The following TANC2 variants were observed in gnomAD, a reference collection of about 807,000 sequenced individuals.
The protein encoded by TANC2 is tetratricopeptide repeat, ankyrin repeat and coiled-coil containing 2.
TANC2 carries 26 observed loss-of-function variants against 210.5 expected under a neutral mutation model. That is an observed-to-expected ratio of 0.12 (90% CI 0.09 to 0.17). The LOEUF is 0.17. Among genes scored for constraint, TANC2 ranks in the 10% least tolerant of loss-of-function variants. The probability of loss-of-function intolerance (pLI) is 1.00; values close to 1 mark genes in which losing one functional copy is unlikely to be tolerated. For synonymous variants in TANC2, 931 were observed against 967.1 expected, an observed-to-expected ratio of 0.96 and a Z score of 0.69; for missense variants, 2,129 against 2,608.9, an observed-to-expected ratio of 0.82 and a Z score of 4.01.
intron 7 of TANC2, among the ~76,000 whole-genome samples, chr17:63,216,122 C>T (rs2042020233): frequency 1.3e-5 from 2 of 152,110 alleles, no homozygotes. Flanking sequence ...GATCTCGGCT[C>T]ACTGCAGCCT....
chr17:63,035,769 C>T (rs1180533258), intron 2 of TANC2, among the ~76,000 whole-genome samples: 3 of 152,170 alleles, frequency 2.0e-5, no homozygotes, highest in Admixed American at 6.5e-5. Flanking sequence ...TTTAACTACA[C>T]AAGGAACTGC....
In TANC2 at chr17:63,415,694, A is replaced by C. The variant is rs2048838143; in HGVS notation, c.4167+20A>C. The C allele has an allele frequency of 5.6e-6, 9 of 1,595,218 alleles. No individual in the cohort carries two copies. The highest frequency in any genetic ancestry group is 4.1e-5 in the African/African-American group (3 of 72,922). On this transcript the variant is annotated intron_variant, in intron 26 of 27. Transcript: ENST00000689528. The stretch of plus-strand genomic sequence containing the variant: ...ATGAACGTAAGTCCCTGTCACCCCA[A>C]CTCCTTTCTGCAATCCTGGTAGCTG...
At position 63,025,349 on chromosome 17, in the gene TANC2, C is replaced by T. The variant is rs150028579; in HGVS notation, c.67+15723C>T. 3.9e-3 allele frequency among the ~76,000 whole-genome samples: 586 copies of T among 152,106 alleles called. 2 individuals are homozygous for T. The highest frequency in any genetic ancestry group is 6.9e-3 in the Non-Finnish European group (466 of 68,010). On this transcript the variant is annotated intron_variant, in intron 2 of 27. Coordinates refer to ENST00000689528, the Ensembl canonical transcript of TANC2. Reference sequence around the variant, plus strand: ...GTGAATGAAGTTTCATAATGTCTTCCGGTTGTGGACGCCTTCTTCATTTTT... The same window carrying T: ...GTGAATGAAGTTTCATAATGTCTTCTGGTTGTGGACGCCTTCTTCATTTTT...
chr17:63,284,468 G>A (rs551664575), intron 9 of TANC2, among the ~76,000 whole-genome samples: 132 of 151,836 alleles, frequency 8.7e-4, no homozygotes, highest in Middle Eastern at 3.4e-3. Context: ...TTTTTTTAAA[G>A]CATTTCATTT....
chr17:63,124,049 T>C (rs2038608101), intron 4 of TANC2, among the ~76,000 whole-genome samples: 1 of 152,270 alleles, frequency 6.6e-6, no homozygotes, highest in Middle Eastern at 3.4e-3. Flanking sequence ...AGGTAGAAAG[T>C]AAATATTTCA....
At chr17:63,374,032 G>GTTTTTTTTT (rs35801082) in intron 14 of TANC2, among the ~76,000 whole-genome samples, 15 of 93,530 alleles carry the variant, frequency 1.6e-4, no homozygotes, top group African/African-American at 2.8e-4. Flanking sequence ...GTTGTTGTTG[G>GTTTTTTTTT]TTTTTTTTTT....
At chr17:63,007,851 T>A (rs534418201) in intron 1 of TANC2, among the ~76,000 whole-genome samples, 1 of 152,226 alleles carries the variant, frequency 6.6e-6, no homozygotes, top group South Asian at 2.1e-4. Flanking sequence ...CCTTTTTGCA[T>A]GTATATGCTT....
chr17:63,062,033 T>C (rs1397013015), intron 2 of TANC2, among the ~76,000 whole-genome samples: 1 of 152,208 alleles, frequency 6.6e-6, no homozygotes, highest in Non-Finnish European at 1.5e-5. Flanking sequence ...TTAGAACTTT[T>C]TGAAATTGCA....
intron 5 of TANC2, among the ~76,000 whole-genome samples, chr17:63,168,927 A>G (rs1199382041): frequency 2.0e-5 from 3 of 152,218 alleles, no homozygotes; most frequent in African/African-American, 7.2e-5. Context: ...TAGCTTAGAC[A>G]TGTATGCTAC....
intron 19 of TANC2, among the ~76,000 whole-genome samples, chr17:63,401,151 A>G (rs1300449771): frequency 6.6e-6 from 1 of 152,150 alleles, no homozygotes; most frequent in Non-Finnish European, 1.5e-5. Flanking sequence ...TAAATTTTAT[A>G]ATGACCTATT....
chr17:63,136,853 A>G (rs2145269446), intron 4 of TANC2, among the ~76,000 whole-genome samples: 1 of 152,120 alleles, frequency 6.6e-6, no homozygotes, highest in East Asian at 1.9e-4. Flanking sequence ...GGAGAACTCT[A>G]GCAGAGAATG....
At chr17:63,226,273 A>T (rs1011273114) in intron 7 of TANC2, among the ~76,000 whole-genome samples, 2 of 152,212 alleles carry the variant, frequency 1.3e-5, no homozygotes, top group African/African-American at 4.8e-5. Flanking sequence ...CACTAGAACC[A>T]AAGTAATCTT....
intron 2 of TANC2, among the ~76,000 whole-genome samples, chr17:63,018,502 A>G (rs2034209351): frequency 5.9e-5 from 9 of 151,784 alleles, no homozygotes; most frequent in Admixed American, 5.9e-4. Context: ...ATAAATAAAT[A>G]AATAAAATAA....
At chr17:63,024,547 A>G (rs768022885) in intron 2 of TANC2, among the ~76,000 whole-genome samples, 2 of 152,180 alleles carry the variant, frequency 1.3e-5, no homozygotes, top group Non-Finnish European at 2.9e-5. Context: ...CTGATCTCCT[A>G]TCTCATTCTG....
At chr17:63,001,538 T>TG (rs1275049506) in intron 1 of TANC2, among the ~76,000 whole-genome samples, 1 of 151,424 alleles carries the variant, frequency 6.6e-6, no homozygotes, top group African/African-American at 2.4e-5. Context: ...TTCTTTTTTT[T>TG]TTTTCTTTTT....
chr17:63,419,893 C>T (rs959448644), intron 27 of TANC2, 106 bp from the exon 28 acceptor site: 8 of 1,332,652 alleles, frequency 6.0e-6, no homozygotes, highest in Admixed American at 5.7e-5. Flanking sequence ...CAGACTCCCA[C>T]AGACGCCACC....
At chr17:63,285,911 G>A (rs2044207043) in intron 9 of TANC2, among the ~76,000 whole-genome samples, 1 of 152,050 alleles carries the variant, frequency 6.6e-6, no homozygotes, top group African/African-American at 2.4e-5. Context: ...CCAGTTCTGG[G>A]AATGGTAAGA....
At chr17:63,066,023 T>G (rs2036183226) in intron 2 of TANC2, among the ~76,000 whole-genome samples, 1 of 152,148 alleles carries the variant, frequency 6.6e-6, no homozygotes, top group East Asian at 1.9e-4. Context: ...GTGATCCTCC[T>G]GCTTGTTGTC....
chr17:63,340,395 T>C, intron 12 of TANC2, 63 bp downstream of exon 12: 1 of 1,375,460 alleles, frequency 7.3e-7, no homozygotes, highest in South Asian at 1.3e-5. Context: ...ACCCGGGTCA[T>C]ACTATAAAAA....
Sources: gnomAD v4.1 joint callset for allele counts (sites outside exome capture counted in the v4.1 genomes callset) on GRCh38, gnomAD v4.1.1 for gene constraint, MANE v1.5 for transcripts, NCBI Gene and HGNC (gene_info 2026-07-23, HGNC 2026-07-21) for gene names.